SYTL3: variants seen among roughly 807,000 people sequenced by gnomAD.
SYTL3 encodes the protein synaptotagmin-like protein 3.
In SYTL3, 88 loss-of-function variants were observed where a neutral mutation model predicts 82.1. The ratio of observed to expected loss-of-function variants is 1.07; its 90% CI spans 0.90 to 1.28. The LOEUF (loss-of-function observed/expected upper bound fraction) is 1.28. Ranked by LOEUF, SYTL3 falls within the 50% of genes most tolerant of loss-of-function variation. SYTL3 has a pLI of 0.00. For missense variants in SYTL3, 831 were observed against 757.6 expected (o/e 1.10, Z -1.14); for synonymous variants, 311 against 289.4 (o/e 1.07, Z -0.76).
chr6:158,700,136 A>G (rs1344822644), intron 6 of SYTL3, among the ~76,000 whole-genome samples: 1 of 151,902 alleles, frequency 6.6e-6, no homozygotes, highest in East Asian at 1.9e-4. Context: ...CGTGCCTGTA[A>G]TCCCAGCTAC....
chr6:158,738,206 G>A (rs183539670), intron 11 of SYTL3, among the ~76,000 whole-genome samples: 66 of 152,294 alleles, frequency 4.3e-4, no homozygotes, highest in East Asian at 3.9e-4. Flanking sequence ...ACTGTGCCCA[G>A]CACTGCCCAG....
intron 11 of SYTL3, among the ~76,000 whole-genome samples, chr6:158,741,171 G>A (rs749820033): frequency 5.3e-5 from 8 of 152,172 alleles, no homozygotes; most frequent in Non-Finnish European, 1.0e-4. Flanking sequence ...GGGTTCAAGT[G>A]ATTCTCCTGC....
intron 6 of SYTL3, among the ~76,000 whole-genome samples, chr6:158,684,545 G>A (rs572493383): frequency 4.0e-4 from 61 of 152,246 alleles, no homozygotes; most frequent in African/African-American, 1.4e-3. Context: ...CTATATCAGG[G>A]ATGCGGGCAG....
intron 6 of SYTL3, among the ~76,000 whole-genome samples, chr6:158,700,889 T>G (rs111610382): frequency 0.028 from 4,221 of 152,310 alleles, 57 homozygotes; most frequent in Non-Finnish European, 0.032. Context: ...GTGCTGGGAT[T>G]ACAGGCATGA....
intron 5 of SYTL3, among the ~76,000 whole-genome samples, chr6:158,681,174 A>G (rs778450595): frequency 1.3e-5 from 2 of 152,192 alleles, no homozygotes; most frequent in Non-Finnish European, 2.9e-5. Flanking sequence ...GGATGTGAAG[A>G]TCTTATAATA....
Position 158,706,345 on chromosome 6 carries a change from G to A in SYTL3, c.395-885G>A, listed in dbSNP as rs149441048. The stretch of plus-strand genomic sequence containing the variant: ...GAGAGCTTAACATCACATGCTATTT[G>A]CCCTCCCAAAGGCCAGCCCATCTGA... On this transcript the variant is annotated intron_variant, in intron 6 of 17. Coordinates refer to ENST00000611299, the MANE Select transcript of SYTL3 (RefSeq NM_001242394.2). Among the ~76,000 whole-genome samples the A allele has an allele frequency of 6.4e-3, 973 of 152,272 alleles. 14 individuals are homozygous for A. The highest frequency in any genetic ancestry group is 0.022 in the African/African-American group (921 of 41,546).
chr6:158,762,022 A>C (rs1402598357), intron 15 of SYTL3, 54 bp from the exon 16 acceptor site: 2 of 1,336,158 alleles, frequency 1.5e-6, no homozygotes, highest in Admixed American at 1.7e-5. Flanking sequence ...GTGGTACTGC[A>C]TACTAACGTA....
chr6:158,644,941 C>G, the SYTL3 span, among the ~76,000 whole-genome samples: 3 of 152,358 alleles, frequency 2.0e-5, no homozygotes, highest in African/African-American at 7.2e-5. Context: ...GTGGTAGTTT[C>G]CATGGGAATC....
At chr6:158,704,675 G>T (rs975652275) in intron 6 of SYTL3, among the ~76,000 whole-genome samples, 1 of 152,272 alleles carries the variant, frequency 6.6e-6, no homozygotes, top group Non-Finnish European at 1.5e-5. Context: ...CGGAAGCCAC[G>T]TGGGCCTGGA....
chr6:158,760,646 A>G lies in SYTL3; in HGVS notation c.1315A>G (p.Lys439Glu). 6.2e-7 allele frequency: 1 copy of G among 1,613,832 alleles called. No individual in the cohort carries two copies. Among genetic ancestry groups the G allele is most frequent in the South Asian group, 1.1e-5 (1 of 91,062 alleles). The change falls in exon 15 of 18, where the codon AAA becomes GAA. Residue 439 changes from lysine to glutamate, a missense_variant. Transcript: ENST00000611299. ...CTCTGCCTCTTGTCCCCAGGCGGAG[A>G]AATACGAAGACAGCGTTCCTCAGAG... ...RWHPLRAKAE[K>E]YEDSVPQSNG...
At chr6:158,677,542 T>C (rs910623750) in intron 5 of SYTL3, among the ~76,000 whole-genome samples, 1 of 150,168 alleles carries the variant, frequency 6.7e-6, no homozygotes, top group African/African-American at 2.5e-5. Context: ...CTAAAACTTA[T>C]AATAAAAAAA....
rs373435414 is a variant in SYTL3 at position 158,686,854 on chromosome 6, C to A, written c.394+3865C>A. The stretch of plus-strand genomic sequence containing the variant: ...GGCCAGACACAGGTCGGAAGGAAGG[C>A]ATGAGCCCCTTCTCCCTCCTCCTGG... On this transcript the variant is annotated intron_variant, in intron 6 of 17. Coordinates refer to ENST00000611299, the MANE Select transcript of SYTL3 (RefSeq NM_001242394.2). Among the ~76,000 whole-genome samples, 258 of 152,340 alleles carry A rather than the reference C, an allele frequency of 1.7e-3. 1 individual carries two copies. Among genetic ancestry groups the A allele is most frequent in the African/African-American group, 5.7e-3 (239 of 41,576 alleles).
chr6:158,652,161 C>G (rs1788094910), intron 2 of SYTL3, among the ~76,000 whole-genome samples: 4 of 152,084 alleles, frequency 2.6e-5, no homozygotes, highest in Non-Finnish European at 1.5e-5. Context: ...CTCCTGACCT[C>G]AGGTGATCCA....
rs139194153 is a variant in SYTL3, at chr6:158,757,358, C to A, written c.1285C>A (p.Arg429Ser). 14 of 1,613,876 alleles carry A rather than the reference C, an allele frequency of 8.7e-6. No homozygotes were observed. The highest frequency in any genetic ancestry group is 1.1e-5 in the Non-Finnish European group (13 of 1,179,986). The change falls in exon 14 of 18, where the codon CGC becomes AGC. Residue 429 changes from arginine (R) to serine (S), a missense_variant. Physicochemically the swap from Arg to Ser is moderately radical, Grantham distance 110 (BLOSUM62 -1). Coordinates refer to ENST00000611299, the MANE Select transcript of SYTL3 (RefSeq NM_001242394.2). ...DFEDSTTQSFRWHPLRAKAEK... is the reference protein window; with the variant it reads ...DFEDSTTQSFSWHPLRAKAEK... ...TGAAGACAGCACAACACAGTCCTTC[C>A]GCTGGCATCCGCTCCGGGCCAAGGT... is the stretch of plus-strand genomic sequence containing the variant.
intron 5 of SYTL3, among the ~76,000 whole-genome samples, chr6:158,673,478 T>C (rs1382615236): frequency 6.6e-6 from 1 of 150,480 alleles, no homozygotes; most frequent in Non-Finnish European, 1.5e-5. Context: ...CTTGCTCTGT[T>C]GCCCAGGCTA....
intron 6 of SYTL3, among the ~76,000 whole-genome samples, chr6:158,702,801 A>T (rs1295333514): frequency 6.6e-6 from 1 of 151,350 alleles, no homozygotes; most frequent in Admixed American, 6.6e-5. Context: ...CCGTTTTGTC[A>T]CTTGTAGACG....
chr6:158,704,538 G>T (rs1010615545), intron 6 of SYTL3, among the ~76,000 whole-genome samples: 2 of 152,276 alleles, frequency 1.3e-5, no homozygotes, highest in Non-Finnish European at 2.9e-5. Flanking sequence ...ACGAGGTGGG[G>T]GTGACAGTAA....
chr6:158,761,889 CGGTGTG>C (rs1790026777), intron 15 of SYTL3, among the ~76,000 whole-genome samples, 181 bp from the exon 16 acceptor site: 1 of 152,146 alleles, frequency 6.6e-6, no homozygotes, highest in South Asian at 2.1e-4. Context: ...CAGAGCGGCA[CGGTGTG>C]GGCAGCGCCA....
chr6:158,700,337 G>C (rs1178435904), intron 6 of SYTL3, among the ~76,000 whole-genome samples: 2 of 152,004 alleles, frequency 1.3e-5, no homozygotes, highest in Admixed American at 6.6e-5. Flanking sequence ...GGCTGGTCTT[G>C]AACTCCTGGG....
Sources: gnomAD v4.1 joint callset for allele counts (sites outside exome capture counted in the v4.1 genomes callset) on GRCh38, gnomAD v4.1.1 for gene constraint, MANE v1.5 for transcripts, NCBI Gene and HGNC (gene_info 2026-07-23, HGNC 2026-07-21) for gene names.